Variants in BEND3 observed in about 807,000 individuals in gnomAD.
The protein encoded by BEND3 is BEN domain-containing protein 3.
In BEND3, 13 loss-of-function variants were observed where a neutral mutation model predicts 60.1. The observed-to-expected ratio is 0.22, with a 90% CI of 0.14 to 0.34. The LOEUF (loss-of-function observed/expected upper bound fraction) is 0.34. Ranked by LOEUF, BEND3 falls within the 10% of genes least tolerant of loss-of-function variation. The probability of loss-of-function intolerance (pLI) is 1.00; values close to 1 mark genes in which losing one functional copy is unlikely to be tolerated. For synonymous variants in BEND3, 497 were observed against 491.5 expected, an observed-to-expected ratio of 1.01 and a Z score of -0.15; for missense variants, 896 against 1,138.1, an observed-to-expected ratio of 0.79 and a Z score of 3.06.
chr6:107,094,036 G>A (rs797041254), intron 3 of BEND3, among the ~76,000 whole-genome samples: 5 of 152,316 alleles, frequency 3.3e-5, no homozygotes, highest in African/African-American at 9.6e-5. Flanking sequence ...CAAAATATAT[G>A]AAGAACTCTT....
intron 3 of BEND3, among the ~76,000 whole-genome samples, chr6:107,082,424 G>A (rs1554233664): frequency 6.6e-6 from 1 of 152,022 alleles, no homozygotes; most frequent in East Asian, 1.9e-4. Flanking sequence ...ATAAAATAGC[G>A]GTTGCTTTTT....
intron 1 of BEND3, among the ~76,000 whole-genome samples, chr6:107,107,441 G>T (rs1442256512): frequency 1.5e-4 from 23 of 150,782 alleles, no homozygotes; most frequent in Non-Finnish European, 3.0e-4. Context: ...TTTTTTTAAG[G>T]AAAAGATGTT....
intron 2 of BEND3, 85 bp downstream of exon 2, chr6:107,099,164 G>C (rs1311308809): frequency 1.8e-6 from 2 of 1,134,908 alleles, no homozygotes; most frequent in Non-Finnish European, 2.6e-6. Flanking sequence ...ATATAACTTT[G>C]TATATTTTTG....
chr6:107,070,568 G>T lies in BEND3; in HGVS notation c.623C>A (p.Ser208Tyr), dbSNP rs782587622. Residue 208 changes from serine (S) to tyrosine (Y), a missense_variant, in exon 4 of 4, where the codon TCC becomes TAC. Ser to Tyr is a moderately radical substitution (Grantham distance 144). Coordinates refer to ENST00000369042, the MANE Select transcript of BEND3 (RefSeq NM_001367314.1). This position sits in a 1 kb window ranked among gnomAD's most constrained non-coding sequence, Gnocchi z 6.9. The part of the protein sequence containing the change: ...KMFYMLNTLT[S>Y]NMSQLHSKVD... ...CTTGCTGTGCAGCTGGGACATGTTG[G>T]ACGTGAGGGTGTTCAGCATGTAGAA... The T allele has an allele frequency of 6.2e-7, 1 of 1,613,012 alleles. No individual in the cohort carries two copies.
At chr6:107,077,420 G>A (rs773939983) in intron 3 of BEND3, among the ~76,000 whole-genome samples, 18 of 152,046 alleles carry the variant, frequency 1.2e-4, no homozygotes, top group Non-Finnish European at 2.5e-4. Flanking sequence ...GCAACCCAGT[G>A]GTACCCCTCA....
chr6:107,080,095 C>G (rs1423309130), intron 3 of BEND3, among the ~76,000 whole-genome samples: 1 of 151,790 alleles, frequency 6.6e-6, no homozygotes, highest in Non-Finnish European at 1.5e-5. Context: ...AATGAAAGTG[C>G]TTCAGAAAAC....
At chr6:107,092,902 TAA>T (rs1347160379) in intron 3 of BEND3, among the ~76,000 whole-genome samples, 7 of 152,304 alleles carry the variant, frequency 4.6e-5, no homozygotes, top group Non-Finnish European at 8.8e-5. Flanking sequence ...ATGAAATACT[TAA>T]GTTATAAACC....
chr6:107,101,846 C>T (rs1164328869), intron 1 of BEND3, among the ~76,000 whole-genome samples: 2 of 152,168 alleles, frequency 1.3e-5, no homozygotes, highest in East Asian at 3.8e-4. Context: ...CACCTGAATG[C>T]CCCTGCCCTT....
At chr6:107,075,532 A>G (rs528490974) in intron 3 of BEND3, among the ~76,000 whole-genome samples, 1 of 152,354 alleles carries the variant, frequency 6.6e-6, no homozygotes, top group East Asian at 1.9e-4. Context: ...TAGTTCTATT[A>G]CACTAAAATA....
chr6:107,080,855 G>A lies in BEND3; in HGVS notation c.241-9905C>T, dbSNP rs569692711. On this transcript the variant is annotated intron_variant, in intron 3 of 3. Transcript: ENST00000369042. The stretch of plus-strand genomic sequence containing the variant: ...GCCGAGATCATGCCACTGCACTCCA[G>A]CCTGGGTGACAGAGAGAGATTCCAT... Among the ~76,000 whole-genome samples the A allele has an allele frequency of 2.6e-5, 4 of 152,064 alleles. No individual in the cohort carries two copies. The South Asian group carries it at 8.3e-4, about 32-fold the overall frequency.
intron 3 of BEND3, among the ~76,000 whole-genome samples, chr6:107,091,487 C>A (rs572146936): frequency 1.3e-5 from 2 of 152,120 alleles, no homozygotes; most frequent in African/African-American, 4.8e-5. Context: ...CACTACAGGC[C>A]CCATGGACAT....
At chr6:107,073,459 A>T (rs948116256) in intron 3 of BEND3, among the ~76,000 whole-genome samples, 1 of 151,456 alleles carries the variant, frequency 6.6e-6, no homozygotes, top group Admixed American at 6.6e-5. Context: ...AAACTGCATG[A>T]TGGTTGTGCG....
intron 3 of BEND3, among the ~76,000 whole-genome samples, chr6:107,086,957 G>A (rs933139587): frequency 1.3e-4 from 19 of 151,372 alleles, no homozygotes; most frequent in Non-Finnish European, 2.1e-4. Flanking sequence ...CCTGGGAGGC[G>A]GAGGTTGCAG....
chr6:107,108,581 G>T (rs1349889586), intron 1 of BEND3, among the ~76,000 whole-genome samples: 1 of 152,092 alleles, frequency 6.6e-6, no homozygotes, highest in Non-Finnish European at 1.5e-5. Flanking sequence ...GGGCAGTTGG[G>T]TGTATACTGC....
At chr6:107,110,551 T>C (rs1288530301) in intron 1 of BEND3, among the ~76,000 whole-genome samples, 1 of 152,124 alleles carries the variant, frequency 6.6e-6, no homozygotes, top group Non-Finnish European at 1.5e-5. Context: ...GCACATTTTT[T>C]TGTGTGTGAC....
intron 3 of BEND3, among the ~76,000 whole-genome samples, chr6:107,081,797 T>C (rs1210668813): frequency 6.6e-6 from 1 of 151,218 alleles, no homozygotes; most frequent in Admixed American, 6.6e-5. Flanking sequence ...AAAAAATAAA[T>C]AAAGGAGAAT....
At chr6:107,082,083 T>G (rs1775246918) in intron 3 of BEND3, among the ~76,000 whole-genome samples, 1 of 152,238 alleles carries the variant, frequency 6.6e-6, no homozygotes, top group African/African-American at 2.4e-5. Flanking sequence ...TATGCTTCTA[T>G]CAACAGGAGA....
chr6:107,069,900 G>A lies in BEND3; in HGVS notation c.1291C>T (p.Gln431Ter), dbSNP rs781921986. The A allele has an allele frequency of 6.2e-7, 1 of 1,613,940 alleles. No individual in the cohort carries two copies. Among genetic ancestry groups the A allele is most frequent in the South Asian group, 1.1e-5 (1 of 91,080 alleles). Residue 431 changes from glutamine to a stop codon, truncating the protein, a stop_gained, in exon 4 of 4, where the codon CAG (glutamine) becomes TAG (stop). Transcript: ENST00000369042. LOFTEE classifies it high-confidence loss of function. ...ELFDHRKLGE[Q>*]YSCYGDGGKQ... ...CCACCGTCCCCGTAGCAGCTGTACT[G>A]TTCACCCAGCTTGCGGTGGTCGAAG... is the stretch of plus-strand genomic sequence containing the variant.
intron 3 of BEND3, among the ~76,000 whole-genome samples, chr6:107,071,153 C>T (rs1219016627): frequency 3.3e-5 from 5 of 152,226 alleles, no homozygotes; most frequent in Non-Finnish European, 7.3e-5. Context: ...CTGCTGCTCT[C>T]CCCATTCCCT....
Sources: allele counts gnomAD v4.1 joint callset (sites outside exome capture counted in the v4.1 genomes callset), GRCh38; gene constraint gnomAD v4.1.1; non-coding constraint Gnocchi (gnomAD v3.1); transcripts MANE v1.5; gene names NCBI Gene and HGNC (gene_info 2026-07-23, HGNC 2026-07-21).